Variants in SHROOM3 observed in about 807,000 individuals in gnomAD.
The protein encoded by SHROOM3 is protein Shroom3.
Under a neutral mutation model 138.6 loss-of-function variants are expected in SHROOM3, and 47 were observed. That is an observed-to-expected ratio of 0.34 (90% confidence interval 0.27 to 0.43). The LOEUF (loss-of-function observed/expected upper bound fraction) is 0.43, where lower values mean the gene tolerates loss of function less well. SHROOM3 is among the 20% of genes least tolerant of loss of function. SHROOM3 has a pLI of 1.00. For synonymous variants in SHROOM3, 1,062 were observed against 1,063.3 expected (o/e 1.00, Z 0.02); for missense variants, 2,491 against 2,596.5 (o/e 0.96, Z 0.88).
intron 2 of SHROOM3, among the ~76,000 whole-genome samples, chr4:76,608,626 T>TATAGCATAGC (rs1303852174): frequency 1.1e-4 from 11 of 100,836 alleles, no homozygotes; most frequent in African/African-American, 4.2e-4. Flanking sequence ...ACAGAGATGG[T>TATAGCATAGC]ATAGCATAGC....
chr4:76,715,644 T>C (rs1193696665), intron 3 of SHROOM3, among the ~76,000 whole-genome samples: 1 of 152,190 alleles, frequency 6.6e-6, no homozygotes, highest in Non-Finnish European at 1.5e-5. Flanking sequence ...CATTTACCCT[T>C]ATATGGGGAT....
At chr4:76,653,028 A>G (rs1735994556) in intron 2 of SHROOM3, among the ~76,000 whole-genome samples, 1 of 152,044 alleles carries the variant, frequency 6.6e-6, no homozygotes, top group Admixed American at 6.5e-5. Flanking sequence ...GACTTTTGCT[A>G]TATTTACAGT....
chr4:76,585,359 CCCATAA>C (rs1444416888), intron 2 of SHROOM3, among the ~76,000 whole-genome samples: 3 of 152,154 alleles, frequency 2.0e-5, no homozygotes, highest in Admixed American at 2.0e-4. Flanking sequence ...CATTTACATA[CCCATAA>C]ACTCAGACAC....
At chr4:76,554,302 G>A (rs1258715365) in intron 1 of SHROOM3, among the ~76,000 whole-genome samples, 1 of 151,954 alleles carries the variant, frequency 6.6e-6, no homozygotes, top group African/African-American at 2.4e-5. Flanking sequence ...TTTCTTTTCA[G>A]TGCTGAATAA....
rs796147373 is a variant in SHROOM3, at chr4:76,700,025, A to G, written c.324-10131A>G. On this transcript the variant is annotated intron_variant, in intron 2 of 10. Coordinates refer to ENST00000296043, the MANE Select transcript of SHROOM3 (RefSeq NM_020859.4). ...CAGGATAGATAACTGCAGGGAACCC[A>G]TCAGGAAGCTGGCCTCGTGTCCACT... is the stretch of plus-strand genomic sequence containing the variant. 6.8e-4 allele frequency among the ~76,000 whole-genome samples: 103 copies of G among 152,304 alleles called. 2 individuals are homozygous for G. Among genetic ancestry groups the G allele is most frequent in the African/African-American group, 2.4e-3 (99 of 41,568 alleles).
intron 1 of SHROOM3, among the ~76,000 whole-genome samples, chr4:76,500,165 C>T (rs1214970742): frequency 2.6e-5 from 4 of 152,294 alleles, no homozygotes; most frequent in African/African-American, 9.6e-5. Flanking sequence ...CGCTCCAGAT[C>T]TATACCCTCC....
chr4:76,669,161 C>G lies in SHROOM3; in HGVS notation c.324-40995C>G, dbSNP rs528559436. On this transcript the variant is annotated intron_variant, in intron 2 of 10. Transcript: ENST00000296043. ...TTTTGCTTTTACTGTTTTAACAAAA[C>G]AACAACATAAAAATCCTTGTATACC... Among the ~76,000 whole-genome samples the G allele has an allele frequency of 1.2e-3, 190 of 152,274 alleles. 1 individual carries two copies. The highest frequency in any genetic ancestry group is 2.1e-3 in the Non-Finnish European group (140 of 68,024).
In SHROOM3 at chr4:76,436,045, T is replaced by C. The variant is rs79606629; in HGVS notation, c.-8T>C. 1 of 1,613,582 alleles carries C rather than the reference T, an allele frequency of 6.2e-7. No individual in the cohort carries two copies. Among genetic ancestry groups the C allele is most frequent in the Non-Finnish European group, 8.5e-7 (1 of 1,179,740 alleles). On this transcript the variant is annotated 5_prime_UTR_variant, in exon 1 of 11. Coordinates refer to ENST00000296043, the MANE Select transcript of SHROOM3 (RefSeq NM_020859.4). ...TTTAAATTTAACTTGAGGGATCATG[T>C]GTTTGGCATGATGAGGACCACTGAA...
At chr4:76,684,746 G>C (rs1255525299) in intron 2 of SHROOM3, among the ~76,000 whole-genome samples, 1 of 152,196 alleles carries the variant, frequency 6.6e-6, no homozygotes, top group Non-Finnish European at 1.5e-5. Flanking sequence ...AGAGGATCTG[G>C]GGGCTCACTG....
intron 1 of SHROOM3, among the ~76,000 whole-genome samples, chr4:76,547,551 G>A (rs1733249341): frequency 6.6e-6 from 1 of 152,186 alleles, no homozygotes; most frequent in South Asian, 2.1e-4. Flanking sequence ...GGATACAGCA[G>A]TAAACAAGAC....
Position 76,608,668 on chromosome 4 carries a change from CAGCAT to C in SHROOM3, c.323+52910_323+52914del, listed in dbSNP as rs1490020738. Among the ~76,000 whole-genome samples the C allele has an allele frequency of 9.6e-3, 906 of 94,354 alleles. 43 individuals carry two copies. The highest frequency in any genetic ancestry group is 0.026 in the African/African-American group (755 of 28,494). 61.9% of individuals were successfully genotyped at this position (94,354 alleles called of 152,430 possible). A position where few individuals can be genotyped will look rare whatever the true frequency, so the allele number is the denominator to read the frequency against. ...TAGCATAGCATAGCATAGCATAGCA[CAGCAT>C]AGCACAGCACAGCACAGCACAGCAC... On this transcript the variant is annotated intron_variant, in intron 2 of 10. Coordinates refer to ENST00000296043, the MANE Select transcript of SHROOM3 (RefSeq NM_020859.4).
chr4:76,724,071 ATCTC>A, intron 3 of SHROOM3, among the ~76,000 whole-genome samples: 1 of 152,308 alleles, frequency 6.6e-6, no homozygotes, highest in East Asian at 1.9e-4. Flanking sequence ...GCATTCCTGA[ATCTC>A]TCTGTGTTAG....
chr4:76,465,299 T>C (rs1474881365), intron 1 of SHROOM3, among the ~76,000 whole-genome samples: 1 of 152,260 alleles, frequency 6.6e-6, no homozygotes, highest in Admixed American at 6.5e-5. Flanking sequence ...GAGAAACTGC[T>C]TCAAGGAACA....
At chr4:76,623,437 C>T (rs1036842974) in intron 2 of SHROOM3, among the ~76,000 whole-genome samples, 1 of 152,202 alleles carries the variant, frequency 6.6e-6, no homozygotes, top group African/African-American at 2.4e-5. Flanking sequence ...GTTTATAAAA[C>T]TTGACTCCTA....
chr4:76,659,688 T>G lies in SHROOM3; in HGVS notation c.324-50468T>G, dbSNP rs551656728. On this transcript the variant is annotated intron_variant, in intron 2 of 10. Coordinates refer to ENST00000296043, the MANE Select transcript of SHROOM3 (RefSeq NM_020859.4). The stretch of plus-strand genomic sequence containing the variant: ...CCTCCGCCTCCCAGGTTCAAGCGAT[T>G]CTCCTGCCTCAGTCTCCAAAGTAGC... Among the ~76,000 whole-genome samples the G allele has an allele frequency of 2.0e-3, 310 of 152,202 alleles. 2 individuals carry two copies. Among genetic ancestry groups the G allele is most frequent in the Non-Finnish European group, 3.5e-3 (236 of 68,012 alleles).
intron 9 of SHROOM3, among the ~76,000 whole-genome samples, chr4:76,766,140 G>A (rs1400677816): frequency 1.3e-5 from 2 of 152,304 alleles, no homozygotes; most frequent in East Asian, 3.9e-4. Flanking sequence ...TTTCCTCATC[G>A]GTAAACGGGG....
intron 1 of SHROOM3, among the ~76,000 whole-genome samples, chr4:76,470,103 T>C (rs1245757155): frequency 6.6e-6 from 1 of 152,160 alleles, no homozygotes; most frequent in African/African-American, 2.4e-5. Context: ...ACTGATTTCT[T>C]ACACCTCTAT....
chr4:76,738,959 T>C lies in SHROOM3; in HGVS notation c.786T>C (p.Ser262=). The C allele has an allele frequency of 6.2e-7, 1 of 1,614,226 alleles. No individual in the cohort carries two copies. Among genetic ancestry groups the C allele is most frequent in the Non-Finnish European group, 8.5e-7 (1 of 1,180,046 alleles). Residue 262 remains serine, a synonymous_variant, in exon 5 of 11, where the codon TCT becomes TCC. Transcript: ENST00000296043. The stretch of plus-strand genomic sequence containing the variant: ...ACAAGAGAGACTCGGCTTACAGCTC[T>C]TTCTCCACCAGTTCTAGCATCCTAG... ...FHNKRDSAYS[S]FSTSSSILEY... is the part of the protein sequence containing the mutation.
chr4:76,515,523 T>G (rs1732426849), intron 1 of SHROOM3, among the ~76,000 whole-genome samples: 1 of 152,212 alleles, frequency 6.6e-6, no homozygotes. Flanking sequence ...GTTATTGTTA[T>G]TATTATTATT....
Sources: allele counts gnomAD v4.1 joint callset (sites outside exome capture counted in the v4.1 genomes callset), GRCh38; gene constraint gnomAD v4.1.1; transcripts MANE v1.5; gene names NCBI Gene and HGNC (gene_info 2026-07-23, HGNC 2026-07-21).